The following PADI6 variants were observed in gnomAD, a reference collection of about 807,000 sequenced individuals.
PADI6 encodes inactive protein-arginine deiminase type-6.
In PADI6, 66 loss-of-function variants were observed where a neutral mutation model predicts 78.2. The ratio of observed to expected loss-of-function variants is 0.84; its 90% confidence interval spans 0.69 to 1.04. The LOEUF is 1.04. PADI6 is among the 50% of genes least tolerant of loss of function. PADI6 has a pLI of 0.00. For missense variants in PADI6, 854 were observed against 866.1 expected, an observed-to-expected ratio of 0.99 and a Z score of 0.18; for synonymous variants, 397 against 346.9, an observed-to-expected ratio of 1.14 and a Z score of -1.60.
At position 17,401,347 on chromosome 1, in the gene PADI6, ACT is replaced by A; in HGVS notation, c.1995_1996del (p.Asp665GlufsTer53). On this transcript the variant is annotated frameshift_variant, in exon 16 of 16. Coordinates refer to ENST00000619609, the MANE Select transcript of PADI6 (RefSeq NM_207421.4). LOFTEE classifies it high-confidence loss of function. ...AAGTGCACCTTCATCAATGACTTTGACTGTTACCTGACAGAGGTCGGAGACAT... is the reference window on the plus strand; with the variant it reads ...AAGTGCACCTTCATCAATGACTTTGAGTTACCTGACAGAGGTCGGAGACAT... The A allele has an allele frequency of 6.2e-7, 1 of 1,614,004 alleles. No individual in the cohort carries two copies. The highest frequency in any genetic ancestry group is 8.5e-7 in the Non-Finnish European group (1 of 1,179,886).
intron 8 of PADI6, among the ~76,000 whole-genome samples, chr1:17,389,740 C>T (rs1209371652): frequency 2.6e-5 from 4 of 152,174 alleles, no homozygotes; most frequent in Non-Finnish European, 4.4e-5. Flanking sequence ...ACTCTGGCCA[C>T]ATGGAAAGTC....
At chr1:17,375,324 CA>C in intron 2 of PADI6, 102 bp from the exon 3 acceptor site, 2 of 1,089,256 alleles carry the variant, frequency 1.8e-6, no homozygotes, top group Non-Finnish European at 2.7e-6. Flanking sequence ...AGCCATAACA[CA>C]AGACCAAGAT....
chr1:17,398,201 C>T (rs1011709310), intron 14 of PADI6, among the ~76,000 whole-genome samples: 1 of 152,180 alleles, frequency 6.6e-6, no homozygotes, highest in Non-Finnish European at 1.5e-5. Context: ...TGCATGGGTA[C>T]CCTGTTTTGC....
At chr1:17,377,529 GTGTCTGACAGA>G (rs771517250) in intron 3 of PADI6, among the ~76,000 whole-genome samples, 1 of 152,164 alleles carries the variant, frequency 6.6e-6, no homozygotes, top group Non-Finnish European at 1.5e-5. Context: ...GATCGCTTCG[GTGTCTGACAGA>G]TGTCTGAAAT....
chr1:17,393,952 A>G lies in PADI6; in HGVS notation c.1075-23A>G, dbSNP rs771692673. On this transcript the variant is annotated intron_variant, in intron 9 of 15. Coordinates refer to ENST00000619609, the MANE Select transcript of PADI6 (RefSeq NM_207421.4). Reference sequence around the variant, plus strand: ...CGGGGAGATGTGTGACTGGCAAACAATCTGTCTTCCTCTCCATTCCAGGAT... The same window carrying G: ...CGGGGAGATGTGTGACTGGCAAACAGTCTGTCTTCCTCTCCATTCCAGGAT... The G allele has an allele frequency of 2.5e-6, 4 of 1,602,816 alleles. No homozygotes were observed. In the South Asian group the frequency reaches 4.4e-5, roughly 18 times the overall value.
rs368571849 is a variant in PADI6 at position 17,390,712 on chromosome 1, G to A, written c.963-1402G>A. Among the ~76,000 whole-genome samples the A allele has an allele frequency of 7.2e-5, 11 of 152,164 alleles. No homozygotes were observed. The East Asian group carries it at 1.7e-3, about 24-fold the overall frequency. ...AGTGTGGTCCTCAGAGGAATAGCAG[G>A]CTTCAGGATGAGAAGGTAAAATCTC... On this transcript the variant is annotated intron_variant, in intron 8 of 15. Transcript: ENST00000619609.
intron 15 of PADI6, among the ~76,000 whole-genome samples, chr1:17,400,284 C>T (rs1380706346): frequency 1.3e-5 from 2 of 151,616 alleles, no homozygotes; most frequent in African/African-American, 4.8e-5. Flanking sequence ...GAGGCCCAGG[C>T]AGGCAGATCA....
intron 14 of PADI6, among the ~76,000 whole-genome samples, chr1:17,397,882 C>T (rs772984782): frequency 3.9e-5 from 6 of 152,080 alleles, no homozygotes; most frequent in Non-Finnish European, 8.8e-5. Context: ...CTTGAAGAAG[C>T]CGGCTCCTCA....
At position 17,375,571 on chromosome 1, in the gene PADI6, G is replaced by C. The variant is rs1027755729; in HGVS notation, c.367+72G>C. 6 of 1,378,630 alleles carry C rather than the reference G, an allele frequency of 4.4e-6. No homozygotes were observed. In the African/African-American group the frequency reaches 5.8e-5, roughly 13 times the overall value. 85.4% of individuals were successfully genotyped at this position (1,378,630 alleles called of 1,614,324 possible). A position where few individuals can be genotyped will look rare whatever the true frequency, so the allele number is the denominator to read the frequency against. ...GGTTGGGGAAGGGGTGGGATTGTAG[G>C]AGGAGCCAAAAAAGATTCTCCAGGT... On this transcript the variant is annotated intron_variant, in intron 3 of 15. Transcript: ENST00000619609.
At chr1:17,375,589 C>A in intron 3 of PADI6, 90 bp downstream of exon 3, 2 of 1,204,916 alleles carry the variant, frequency 1.7e-6, no homozygotes, top group South Asian at 1.4e-5. Context: ...AAAAAAGATT[C>A]TCCAGGTAAC....
At chr1:17,374,947 G>A (rs886988126) in intron 2 of PADI6, among the ~76,000 whole-genome samples, 9 of 152,250 alleles carry the variant, frequency 5.9e-5, no homozygotes, top group Admixed American at 6.5e-5. Context: ...GAGTCCCAAC[G>A]CTGCTTCTTC....
At chr1:17,389,072 G>A (rs1403573525) in intron 8 of PADI6, among the ~76,000 whole-genome samples, 192 bp downstream of exon 8, 1 of 152,188 alleles carries the variant, frequency 6.6e-6, no homozygotes, top group Non-Finnish European at 1.5e-5. Context: ...AGATGGGCAT[G>A]GAACAGTGAA....
chr1:17,395,898 T>G (rs1209897887), intron 13 of PADI6, among the ~76,000 whole-genome samples: 1 of 152,316 alleles, frequency 6.6e-6, no homozygotes, highest in East Asian at 1.9e-4. Flanking sequence ...GAAGGGGGAC[T>G]CACTTAGTAC....
At chr1:17,386,824 C>T (rs887318456) in intron 6 of PADI6, among the ~76,000 whole-genome samples, 8 of 152,284 alleles carry the variant, frequency 5.3e-5, no homozygotes, top group Admixed American at 3.3e-4. Context: ...AGCAAGAGGC[C>T]GAGGACCCAG....
intron 6 of PADI6, among the ~76,000 whole-genome samples, chr1:17,385,725 A>AG (rs748648804): frequency 1.2e-4 from 17 of 141,002 alleles, no homozygotes; most frequent in Non-Finnish European, 2.5e-4. Context: ...AAGGATGGAG[A>AG]GGATGACATC....
Position 17,373,158 on chromosome 1 carries a change from C to T in PADI6, c.219C>T (p.Ile73=), listed in dbSNP as rs1363099274. 6.2e-7 allele frequency: 1 copy of T among 1,613,970 alleles called. No individual in the cohort carries two copies. Among genetic ancestry groups the T allele is most frequent in the Non-Finnish European group, 8.5e-7 (1 of 1,179,822 alleles). Residue 73 remains isoleucine, a synonymous_variant, in exon 2 of 16, where the codon ATC becomes ATT. Transcript: ENST00000619609. ...TVISEKEDAT[I]WWPLSDPTYA... ...TTTCTGAGAAGGAGGACGCCACCAT[C>T]TGGTGGCCCCTGTCTGATCCCACGT...
chr1:17,387,393 C>T lies in PADI6; in HGVS notation c.680-988C>T, dbSNP rs372051201. ...CCAGGAGATGGAGGTTGAAGTGAGC[C>T]GAGATAGTGCCGCTACACTCTAGCC... On this transcript the variant is annotated intron_variant, in intron 6 of 15. Transcript: ENST00000619609. 2.2e-4 allele frequency among the ~76,000 whole-genome samples: 33 copies of T among 150,820 alleles called. No individual in the cohort carries two copies. The East Asian group carries it at 3.4e-3, about 15-fold the overall frequency.
At position 17,394,937 on chromosome 1, in the gene PADI6, C is replaced by T. The variant is rs771469763; in HGVS notation, c.1338-14C>T. The T allele has an allele frequency of 1.9e-5, 30 of 1,597,866 alleles. No individual in the cohort carries two copies. Among genetic ancestry groups the T allele is most frequent in the South Asian group, 4.5e-5 (4 of 89,092 alleles). ...ACACTGGCTCAAGAGCTGTTCTTTC[C>T]ATCTTCCTTCTAGCGCAGAGGGCCG... On this transcript the variant is annotated splice_polypyrimidine_tract_variant and intron_variant, in intron 11 of 15. Transcript: ENST00000619609.
At chr1:17,385,231 C>T (rs1395520607) in intron 6 of PADI6, among the ~76,000 whole-genome samples, 1 of 152,094 alleles carries the variant, frequency 6.6e-6, no homozygotes, top group South Asian at 2.1e-4. Context: ...GAGGTCTGGT[C>T]GTAGCCTGAA....
Sources: allele counts gnomAD v4.1 joint callset (sites outside exome capture counted in the v4.1 genomes callset), GRCh38; gene constraint gnomAD v4.1.1; transcripts MANE v1.5; gene names NCBI Gene and HGNC (gene_info 2026-07-23, HGNC 2026-07-21).